Variants in VPS13A observed in about 807,000 individuals in gnomAD.
The protein encoded by VPS13A is intermembrane lipid transfer protein VPS13A.
A neutral mutation model predicts 390.9 loss-of-function variants in VPS13A; 264 were observed. That is an observed-to-expected ratio of 0.68 (90% CI 0.61 to 0.75). The LOEUF (loss-of-function observed/expected upper bound fraction) is 0.75. Among genes scored for constraint, VPS13A ranks in the 30% least tolerant of loss-of-function variants. The probability of loss-of-function intolerance (pLI) is 0.00; values close to 1 mark genes in which losing one functional copy is unlikely to be tolerated. For missense variants in VPS13A, 3,409 were observed against 3,733.9 expected, an observed-to-expected ratio of 0.91 and a Z score of 2.27; for synonymous variants, 1,231 against 1,227.1, an observed-to-expected ratio of 1.00 and a Z score of -0.07.
intron 68 of VPS13A, among the ~76,000 whole-genome samples, chr9:77,390,640 TC>T (rs994304497): frequency 2.8e-5 from 1 of 36,134 alleles, no homozygotes; most frequent in African/African-American, 1.2e-4. Context: ...CCGCCACCCC[TC>T]CCCCCACCCC....
chr9:77,401,591 A>T (rs1208316222), intron 68 of VPS13A, among the ~76,000 whole-genome samples: 1 of 151,970 alleles, frequency 6.6e-6, no homozygotes, highest in East Asian at 1.9e-4. Flanking sequence ...TCCATTTCCA[A>T]ATTGATTACT....
In VPS13A at chr9:77,323,163, C is replaced by A; in HGVS notation, c.5927C>A (p.Ser1976Tyr). ...VRHRESGVER[S>Y]IVCQIDTVEG... is the part of the protein sequence containing the mutation. Reference sequence around the variant, plus strand: ...CACAGAGAGTCTGGCGTTGAAAGATCTATTGTTTGTCAAATTGATACAGTA... The same window carrying A: ...CACAGAGAGTCTGGCGTTGAAAGATATATTGTTTGTCAAATTGATACAGTA... Residue 1976 changes from serine (S) to tyrosine (Y), a missense_variant, in exon 45 of 72, where the codon TCT becomes TAT. By Grantham distance (144) the Ser-to-Tyr change is moderately radical. Around this residue, in one of 5 missense-constraint regions of VPS13A, gnomAD observed 2,717 missense variants for 2,917.4 expected, o/e 0.93. Coordinates refer to ENST00000360280, the MANE Select transcript of VPS13A (RefSeq NM_033305.3). 1 of 1,613,550 alleles carries A rather than the reference C, an allele frequency of 6.2e-7. No homozygotes were observed. The highest frequency in any genetic ancestry group is 8.5e-7 in the Non-Finnish European group (1 of 1,179,640).
intron 33 of VPS13A, among the ~76,000 whole-genome samples, chr9:77,299,693 G>A (rs1018132417): frequency 2.6e-5 from 4 of 152,102 alleles, no homozygotes; most frequent in Non-Finnish European, 5.9e-5. Flanking sequence ...ATCAATGACA[G>A]CATGAATAAA....
chr9:77,346,271 T>C (rs745732130), intron 52 of VPS13A, among the ~76,000 whole-genome samples: 1 of 152,184 alleles, frequency 6.6e-6, no homozygotes, highest in South Asian at 2.1e-4. Context: ...TAATTAGTGA[T>C]GCTGAGCTTC....
At chr9:77,400,223 A>ATTTTTTTGTTTTTTTTTTT (rs1834314461) in intron 68 of VPS13A, among the ~76,000 whole-genome samples, 1 of 88,148 alleles carries the variant, frequency 1.1e-5, no homozygotes, top group African/African-American at 5.1e-5. Context: ...TATCAGTCAG[A>ATTTTTTTGTTTTTTTTTTT]TTTTTTTTTT....
intron 45 of VPS13A, among the ~76,000 whole-genome samples, chr9:77,328,716 T>C (rs1242078553): frequency 6.6e-6 from 1 of 152,202 alleles, no homozygotes; most frequent in East Asian, 1.9e-4. Context: ...CAACTTTTTT[T>C]CTGCAACTTG....
chr9:77,303,611 T>G (rs1306946666), intron 34 of VPS13A, among the ~76,000 whole-genome samples: 1 of 152,130 alleles, frequency 6.6e-6, no homozygotes. Context: ...TATTGATTAT[T>G]ATTTTCATTA....
At chr9:77,385,251 A>C (rs1833632185) in intron 68 of VPS13A, 1 of 756,716 alleles carries the variant, frequency 1.3e-6, no homozygotes, top group Admixed American at 6.3e-5. Flanking sequence ...ATTATAAAAA[A>C]CAGTCATGGC....
At chr9:77,281,450 T>A (rs1000293742) in intron 27 of VPS13A, among the ~76,000 whole-genome samples, 3 of 152,116 alleles carry the variant, frequency 2.0e-5, no homozygotes, top group Non-Finnish European at 4.4e-5. Flanking sequence ...TTAAATTTTT[T>A]AAAAAGAAAA....
At chr9:77,267,112 T>A (rs957862401) in intron 23 of VPS13A, among the ~76,000 whole-genome samples, 1 of 152,146 alleles carries the variant, frequency 6.6e-6, no homozygotes, top group Non-Finnish European at 1.5e-5. Context: ...TAGAACATAC[T>A]GCTTTAGCTC....
intron 50 of VPS13A, among the ~76,000 whole-genome samples, chr9:77,343,260 G>A (rs968465524): frequency 3.9e-5 from 6 of 152,096 alleles, no homozygotes; most frequent in Non-Finnish European, 8.8e-5. Context: ...CTGGCTGTGC[G>A]CAAAGTCAGG....
At chr9:77,260,661 TTACA>T (rs1272108315) in intron 23 of VPS13A, among the ~76,000 whole-genome samples, 1 of 151,410 alleles carries the variant, frequency 6.6e-6, no homozygotes, top group East Asian at 2.0e-4. Context: ...AGCCAGAAAA[TTACA>T]TGTTGAGAGA....
chr9:77,222,775 A>G (rs1246425847), intron 13 of VPS13A, among the ~76,000 whole-genome samples: 5 of 152,172 alleles, frequency 3.3e-5, no homozygotes, highest in African/African-American at 1.2e-4. Flanking sequence ...CATATAAGAC[A>G]GCTGTTAAAT....
intron 68 of VPS13A, among the ~76,000 whole-genome samples, chr9:77,388,341 C>T (rs968108257): frequency 3.9e-5 from 6 of 152,006 alleles, no homozygotes; most frequent in African/African-American, 1.4e-4. Flanking sequence ...GAAAGTAAAA[C>T]AAATAATTTC....
intron 35 of VPS13A, among the ~76,000 whole-genome samples, chr9:77,309,211 C>G (rs1385036213): frequency 6.6e-6 from 1 of 152,078 alleles, no homozygotes; most frequent in African/African-American, 2.4e-5. Flanking sequence ...AAATTTGAAA[C>G]AAAAACACTG....
At chr9:77,302,496 C>T (rs1828438296) in intron 33 of VPS13A, among the ~76,000 whole-genome samples, 1 of 150,636 alleles carries the variant, frequency 6.6e-6, no homozygotes, top group Non-Finnish European at 1.5e-5. Context: ...CCTCAGCCTC[C>T]TAAGAAGCTG....
intron 23 of VPS13A, among the ~76,000 whole-genome samples, chr9:77,267,281 T>G (rs1416711801): frequency 1.3e-5 from 2 of 152,208 alleles, no homozygotes. Context: ...TGCACTGGTT[T>G]TTCCCTAATC....
chr9:77,400,223 ATTTTTTTTTT>A (rs34605855), intron 68 of VPS13A, among the ~76,000 whole-genome samples: 3 of 88,148 alleles, frequency 3.4e-5, no homozygotes, highest in Non-Finnish European at 4.1e-5. Flanking sequence ...TATCAGTCAG[ATTTTTTTTTT>A]TTTTTTTTTT....
chr9:77,306,401 A>AGAGAGAGAGT (rs550279922), intron 34 of VPS13A, among the ~76,000 whole-genome samples: 6 of 107,696 alleles, frequency 5.6e-5, no homozygotes, highest in African/African-American at 2.1e-4. Flanking sequence ...AGAGAGAGAG[A>AGAGAGAGAGT]GTGTGTGTGT....
Sources: allele counts gnomAD v4.1 joint callset (sites outside exome capture counted in the v4.1 genomes callset), GRCh38; gene constraint gnomAD v4.1.1; regional missense constraint gnomAD v4.1.1; transcripts MANE v1.5; gene names NCBI Gene and HGNC (gene_info 2026-07-23, HGNC 2026-07-21).